Variants in GPC3 observed in about 807,000 individuals in gnomAD.
The protein encoded by GPC3 is glypican-3.
In GPC3, 3 loss-of-function variants were observed where a neutral mutation model predicts 34.4. The ratio of observed to expected loss-of-function variants is 0.09; its 90% confidence interval spans 0.04 to 0.23. The LOEUF is 0.23. Among genes scored for constraint, GPC3 ranks in the 10% least tolerant of loss-of-function variants. The probability of loss-of-function intolerance (pLI) is 1.00; values close to 1 mark genes in which losing one functional copy is unlikely to be tolerated. For synonymous variants in GPC3, 177 were observed against 174.0 expected (o/e 1.02, Z -0.13); for missense variants, 351 against 445.6 (o/e 0.79, Z 1.91).
chrX:133,752,354 A>G (rs1251296190), intron 3 of GPC3, among the ~76,000 whole-genome samples: 1 of 112,077 alleles, frequency 8.9e-6, no homozygotes, highest in Non-Finnish European at 1.9e-5. Flanking sequence ...AATTAGCAGA[A>G]AGCAGAAATA....
intron 7 of GPC3, among the ~76,000 whole-genome samples, chrX:133,576,522 G>T (rs1418968952): frequency 9.0e-6 from 1 of 111,084 alleles, no homozygotes; most frequent in African/African-American, 3.3e-5. Context: ...TTACAGGCAT[G>T]AGCTGCTGTG....
chrX:133,551,268 G>A (rs1213453678), intron 7 of GPC3, among the ~76,000 whole-genome samples: 1 of 110,614 alleles, frequency 9.0e-6, no homozygotes, highest in Non-Finnish European at 1.9e-5. Flanking sequence ...GAAGTCCCTC[G>A]CTTGGCTGTA....
chrX:133,831,504 G>A lies in GPC3; in HGVS notation c.338-77328C>T, dbSNP rs1161305137. Among the ~76,000 whole-genome samples, 3 of 112,026 alleles carry A rather than the reference G, an allele frequency of 2.7e-5. 1 individual carries two copies. The Admixed American group carries it at 2.8e-4, about 11-fold the overall frequency. ...CCAGCACTTTGGGAGGCCAAGGCAGGCGGATCACCTGAGGTTTGCAGTTCA... is the reference window on the plus strand; with the variant it reads ...CCAGCACTTTGGGAGGCCAAGGCAGACGGATCACCTGAGGTTTGCAGTTCA... On this transcript the variant is annotated intron_variant, in intron 2 of 7. Transcript: ENST00000370818.
At chrX:133,649,453 A>G (rs1227501123) in intron 6 of GPC3, among the ~76,000 whole-genome samples, 1 of 111,224 alleles carries the variant, frequency 9.0e-6, no homozygotes, top group East Asian at 2.8e-4. Context: ...TTATAATGAA[A>G]CCTGCAGTTT....
chrX:133,718,372 T>C (rs1320458873), intron 3 of GPC3, among the ~76,000 whole-genome samples: 1 of 111,448 alleles, frequency 9.0e-6, no homozygotes, highest in Non-Finnish European at 1.9e-5. Context: ...CCAAATTAGA[T>C]TGTTATAAAA....
intron 3 of GPC3, among the ~76,000 whole-genome samples, chrX:133,715,886 T>C (rs980927051): frequency 2.7e-5 from 3 of 110,947 alleles, no homozygotes; most frequent in African/African-American, 6.5e-5. Flanking sequence ...TTGACTGACC[T>C]TGAGGTTCTG....
intron 2 of GPC3, among the ~76,000 whole-genome samples, chrX:133,869,265 T>C (rs2075983067): frequency 1.8e-5 from 2 of 112,211 alleles, no homozygotes; most frequent in African/African-American, 6.5e-5. Flanking sequence ...TATCTTCTTA[T>C]GTTGCTCACA....
intron 7 of GPC3, among the ~76,000 whole-genome samples, chrX:133,542,458 T>C (rs964298628): frequency 9.0e-6 from 1 of 111,265 alleles, no homozygotes. Flanking sequence ...TCTGAGGGTG[T>C]GGGCTTCAAG....
intron 3 of GPC3, among the ~76,000 whole-genome samples, chrX:133,715,460 A>G (rs1039804682): frequency 1.8e-5 from 2 of 111,529 alleles, no homozygotes; most frequent in African/African-American, 6.5e-5. Flanking sequence ...ATATGCATCT[A>G]TCCTATTAGT....
chrX:133,639,895 G>A (rs895666039), intron 6 of GPC3, among the ~76,000 whole-genome samples: 2 of 110,850 alleles, frequency 1.8e-5, no homozygotes, highest in Non-Finnish European at 1.9e-5. Context: ...TTTGGAGAGT[G>A]TGCCTTTCTG....
At chrX:133,593,559 G>A (rs1165020967) in intron 7 of GPC3, among the ~76,000 whole-genome samples, 1 of 109,183 alleles carries the variant, frequency 9.2e-6, no homozygotes, top group African/African-American at 3.3e-5. Flanking sequence ...AGGAGTCTTA[G>A]CTTTATCCTC....
chrX:133,860,767 A>C (rs1300349764), intron 2 of GPC3, among the ~76,000 whole-genome samples: 1 of 111,498 alleles, frequency 9.0e-6, no homozygotes, highest in Admixed American at 9.5e-5. Flanking sequence ...GGAGTATCTC[A>C]ACCATCATCA....
chrX:133,545,885 T>C (rs1330275875), intron 7 of GPC3, among the ~76,000 whole-genome samples: 1 of 108,691 alleles, frequency 9.2e-6, no homozygotes, highest in African/African-American at 3.5e-5. Flanking sequence ...CAAAATGTGG[T>C]ACGTCCATTC....
chrX:133,590,805 T>TG (rs1050075386), intron 7 of GPC3, among the ~76,000 whole-genome samples: 1 of 111,688 alleles, frequency 9.0e-6, no homozygotes, highest in African/African-American at 3.3e-5. Context: ...ACAGAGAACC[T>TG]GCAAGGTCAG....
intron 5 of GPC3, among the ~76,000 whole-genome samples, chrX:133,672,211 T>C (rs2070834009): frequency 8.9e-6 from 1 of 111,825 alleles, no homozygotes; most frequent in Non-Finnish European, 1.9e-5. Context: ...TGAGGTCACC[T>C]GAATGTTAGT....
At chrX:133,613,720 T>C (rs896911946) in intron 6 of GPC3, among the ~76,000 whole-genome samples, 1 of 111,468 alleles carries the variant, frequency 9.0e-6, no homozygotes, top group Non-Finnish European at 1.9e-5. Context: ...CAAAAGAAAA[T>C]ATGGCTCATA....
At chrX:133,590,507 A>T (rs773571430) in intron 7 of GPC3, among the ~76,000 whole-genome samples, 8 of 112,004 alleles carry the variant, frequency 7.1e-5, no homozygotes, top group Admixed American at 1.9e-4. Flanking sequence ...ATAAGAAATA[A>T]GGAAAAAGAG....
At chrX:133,695,134 G>A (rs2071103056) in intron 4 of GPC3, among the ~76,000 whole-genome samples, 1 of 111,551 alleles carries the variant, frequency 9.0e-6, no homozygotes, top group African/African-American at 3.3e-5. Context: ...TCACATGGTG[G>A]CAGGAAGGAG....
At chrX:133,825,145 G>A (rs2075740249) in intron 2 of GPC3, among the ~76,000 whole-genome samples, 1 of 112,326 alleles carries the variant, frequency 8.9e-6, no homozygotes, top group Non-Finnish European at 1.9e-5. Flanking sequence ...ATGAGCCACT[G>A]TGCCTGGCGA....
Sources: allele counts gnomAD v4.1 joint callset (sites outside exome capture counted in the v4.1 genomes callset), GRCh38; gene constraint gnomAD v4.1.1; transcripts MANE v1.5; gene names NCBI Gene and HGNC (gene_info 2026-07-23, HGNC 2026-07-21).